The following CBLB variants were observed in gnomAD, a reference collection of about 807,000 sequenced individuals.
CBLB encodes the protein Cbl proto-oncogene B.
CBLB carries 31 observed loss-of-function variants against 104.9 expected under a neutral mutation model. The observed-to-expected ratio is 0.30, with a 90% confidence interval of 0.22 to 0.40. CBLB has a LOEUF of 0.40. CBLB is among the 10% of genes least tolerant of loss of function. The pLI, the probability that CBLB is intolerant of heterozygous loss-of-function variation, is 1.00. For synonymous variants in CBLB, 440 were observed against 422.6 expected (o/e 1.04, Z -0.51); for missense variants, 1,062 against 1,214.6 (o/e 0.87, Z 1.87).
At chr3:105,704,376 G>A (rs1284741578) in intron 10 of CBLB, among the ~76,000 whole-genome samples, 1 of 152,108 alleles carries the variant, frequency 6.6e-6, no homozygotes, top group Non-Finnish European at 1.5e-5. Context: ...AGACTGATAA[G>A]TTTTTCCTAC....
intron 4 of CBLB, among the ~76,000 whole-genome samples, chr3:105,775,180 C>A (rs1194163376): frequency 1.4e-4 from 21 of 152,078 alleles, no homozygotes; most frequent in Admixed American, 1.3e-3. Flanking sequence ...TTAATGGCAA[C>A]AATGGCATTT....
chr3:105,741,506 C>T (rs1023726090), intron 6 of CBLB, among the ~76,000 whole-genome samples: 1 of 152,182 alleles, frequency 6.6e-6, no homozygotes, highest in African/African-American at 2.4e-5. Flanking sequence ...CGCTATTCTC[C>T]TGCTTCAGCC....
intron 2 of CBLB, 108 bp downstream of exon 2, chr3:105,867,302 A>AT: frequency 9.5e-7 from 1 of 1,048,282 alleles, no homozygotes; most frequent in Non-Finnish European, 1.5e-6. Flanking sequence ...AAATCAAAAG[A>AT]TTGTTGCCAT....
At chr3:105,766,195 C>A (rs990448706) in intron 4 of CBLB, among the ~76,000 whole-genome samples, 20 of 152,194 alleles carry the variant, frequency 1.3e-4, no homozygotes, top group East Asian at 1.2e-3. Context: ...TAAATTGATG[C>A]AAATCTCATA....
At chr3:105,759,996 CT>C (rs2077462935) in intron 4 of CBLB, among the ~76,000 whole-genome samples, 1 of 152,198 alleles carries the variant, frequency 6.6e-6, no homozygotes, top group African/African-American at 2.4e-5. Context: ...GGACAAGTAT[CT>C]TTCACATATT....
At chr3:105,707,534 AT>A (rs577104713) in intron 10 of CBLB, among the ~76,000 whole-genome samples, 107 of 152,234 alleles carry the variant, frequency 7.0e-4, no homozygotes, top group African/African-American at 2.5e-3. Context: ...ACCTTTTACT[AT>A]TTTTAAAAAC....
chr3:105,829,396 T>A (rs1057014488), intron 3 of CBLB, among the ~76,000 whole-genome samples: 1 of 152,256 alleles, frequency 6.6e-6, no homozygotes, highest in South Asian at 2.1e-4. Flanking sequence ...TGGTGACTCA[T>A]GCCTGTGATC....
At chr3:105,685,596 A>T in intron 13 of CBLB, 130 bp from the exon 14 acceptor site, 1 of 754,006 alleles carries the variant, frequency 1.3e-6, no homozygotes, top group Non-Finnish European at 2.3e-6. Flanking sequence ...GGGTATCATC[A>T]GAGAAGCTGT....
At chr3:105,760,333 C>T (rs1010433391) in intron 4 of CBLB, among the ~76,000 whole-genome samples, 3 of 152,048 alleles carry the variant, frequency 2.0e-5, no homozygotes, top group African/African-American at 7.2e-5. Flanking sequence ...CACTTAGAAG[C>T]CACTGACTGT....
chr3:105,659,043 T>C lies in CBLB; in HGVS notation c.2876A>G (p.Asn959Ser), dbSNP rs1364869262. 1.5e-5 allele frequency: 24 copies of C among 1,613,876 alleles called. No individual in the cohort carries two copies. Among genetic ancestry groups the C allele is most frequent in the Non-Finnish European group, 1.9e-5 (23 of 1,179,936 alleles). The change falls in exon 19 of 19, where the codon AAT (asparagine) becomes AGT (serine). Residue 959 changes from asparagine to serine, a missense_variant. Transcript: ENST00000394030. ...VKRALEIAQN[N>S]VEVARSILRE... The stretch of plus-strand genomic sequence containing the variant: ...GAGGATGCTCCGGGCAACTTCGACA[T>C]TATTCTGGGCTATCTCTAAGGCTCT...
intron 4 of CBLB, among the ~76,000 whole-genome samples, chr3:105,757,075 G>A (rs993324682): frequency 6.6e-6 from 1 of 152,088 alleles, no homozygotes; most frequent in Non-Finnish European, 1.5e-5. Context: ...TCTGAGGCCT[G>A]CCTGGAAGCC....
chr3:105,834,912 T>C (rs1178805196), intron 3 of CBLB, among the ~76,000 whole-genome samples: 1 of 152,206 alleles, frequency 6.6e-6, no homozygotes, highest in Non-Finnish European at 1.5e-5. Context: ...TGGGACACTT[T>C]ATTGGAAGCT....
intron 4 of CBLB, 41 bp downstream of exon 4, chr3:105,776,355 T>C (rs749854387): frequency 6.3e-7 from 1 of 1,586,348 alleles, no homozygotes; most frequent in Non-Finnish European, 8.6e-7. Context: ...CAGTAACCCT[T>C]GAAAGATAGA....
At chr3:105,763,083 G>A (rs1389715765) in intron 4 of CBLB, among the ~76,000 whole-genome samples, 1 of 152,168 alleles carries the variant, frequency 6.6e-6, no homozygotes, top group African/African-American at 2.4e-5. Context: ...CTTGTGTGGG[G>A]CCTGTAGACC....
chr3:105,703,160 A>G (rs914027627), intron 11 of CBLB, among the ~76,000 whole-genome samples: 1 of 152,192 alleles, frequency 6.6e-6, no homozygotes, highest in African/African-American at 2.4e-5. Flanking sequence ...TTTTATTTAC[A>G]TGGTTAATCT....
intron 3 of CBLB, among the ~76,000 whole-genome samples, chr3:105,832,188 G>A (rs1212380715): frequency 6.6e-6 from 1 of 151,980 alleles, no homozygotes; most frequent in Non-Finnish European, 1.5e-5. Flanking sequence ...TACAATATAC[G>A]ACCCATATAC....
At chr3:105,806,156 C>T (rs953965147) in intron 3 of CBLB, among the ~76,000 whole-genome samples, 11 of 151,884 alleles carry the variant, frequency 7.2e-5, no homozygotes, top group Non-Finnish European at 1.5e-4. Flanking sequence ...TGACATTTTG[C>T]TCAAGAAAGA....
At chr3:105,834,036 G>C (rs1008575191) in intron 3 of CBLB, among the ~76,000 whole-genome samples, 6 of 118,510 alleles carry the variant, frequency 5.1e-5, no homozygotes, top group Admixed American at 3.3e-4. Flanking sequence ...CTGCAAAAAA[G>C]ACAATTAATT....
chr3:105,720,361 GGTAGGA>G, intron 9 of CBLB, 111 bp from the exon 10 acceptor site: 1 of 968,694 alleles, frequency 1.0e-6, no homozygotes, highest in Non-Finnish European at 1.6e-6. Context: ...GACTTTTTGG[GGTAGGA>G]GGTGGGGGAA....
Sources: allele counts gnomAD v4.1 joint callset (sites outside exome capture counted in the v4.1 genomes callset), GRCh38; gene constraint gnomAD v4.1.1; transcripts MANE v1.5; gene names NCBI Gene and HGNC (gene_info 2026-07-23, HGNC 2026-07-21).